Variants in LHFPL3 observed in about 807,000 individuals in gnomAD.
LHFPL3 encodes the protein LHFPL tetraspan subfamily member 3 protein.
Under a neutral mutation model 19.3 loss-of-function variants are expected in LHFPL3, and 5 were observed. That is an observed-to-expected ratio of 0.26 (90% CI 0.14 to 0.54). The LOEUF is 0.54. LHFPL3 is among the 20% of genes least tolerant of loss of function. LHFPL3 has a pLI of 0.94. For missense variants in LHFPL3, 249 were observed against 307.4 expected, an observed-to-expected ratio of 0.81 and a Z score of 1.42; for synonymous variants, 133 against 126.2, an observed-to-expected ratio of 1.05 and a Z score of -0.36.
intron 1 of LHFPL3, among the ~76,000 whole-genome samples, chr7:104,674,599 C>A (rs1792556635): frequency 1.3e-5 from 2 of 152,062 alleles, no homozygotes; most frequent in South Asian, 2.1e-4. Context: ...GATCTCCTGA[C>A]CTCGTGATCC....
chr7:104,700,901 T>C (rs1326677429), intron 1 of LHFPL3, among the ~76,000 whole-genome samples: 2 of 152,220 alleles, frequency 1.3e-5, no homozygotes, highest in Admixed American at 6.5e-5. Context: ...TGTACCAATT[T>C]ATCTCCAGGC....
At chr7:104,529,912 G>A (rs1051800764) in intron 1 of LHFPL3, among the ~76,000 whole-genome samples, 3 of 152,158 alleles carry the variant, frequency 2.0e-5, no homozygotes, top group Non-Finnish European at 2.9e-5. Flanking sequence ...GTCAGGTTCT[G>A]AAGGCAGTGT....
intron 2 of LHFPL3, among the ~76,000 whole-genome samples, chr7:104,797,777 A>C (rs899521312): frequency 6.6e-6 from 1 of 151,456 alleles, no homozygotes; most frequent in Non-Finnish European, 1.5e-5. Context: ...TTAGCTGGGC[A>C]TAGTGGCATG....
At chr7:104,520,250 T>G (rs1167120312) in intron 1 of LHFPL3, among the ~76,000 whole-genome samples, 1 of 151,954 alleles carries the variant, frequency 6.6e-6, no homozygotes, top group Admixed American at 6.6e-5. Flanking sequence ...GGATTACATT[T>G]ATTGATTTGC....
intron 1 of LHFPL3, among the ~76,000 whole-genome samples, chr7:104,330,757 C>G (rs1269253001): frequency 6.6e-6 from 1 of 152,020 alleles, no homozygotes; most frequent in African/African-American, 2.4e-5. Flanking sequence ...ATTCCTCACT[C>G]TATGTTTTTA....
chr7:104,629,090 G>T (rs550567438), intron 1 of LHFPL3, among the ~76,000 whole-genome samples: 1 of 152,104 alleles, frequency 6.6e-6, no homozygotes, highest in Non-Finnish European at 1.5e-5. Flanking sequence ...ACTACAATAT[G>T]ACTATTTAAG....
At chr7:104,330,016 C>T (rs527794054) in intron 1 of LHFPL3, among the ~76,000 whole-genome samples, 6 of 151,772 alleles carry the variant, frequency 4.0e-5, no homozygotes, top group Non-Finnish European at 8.8e-5. Flanking sequence ...TTAGCATCTC[C>T]GATCACTCTT....
At chr7:104,804,167 C>T (rs528002435) in intron 2 of LHFPL3, 4 of 152,298 alleles carry the variant, frequency 2.6e-5, no homozygotes, top group Admixed American at 1.3e-4. Context: ...CCTTGCTCTT[C>T]ATTGGCTCTT....
chr7:104,865,794 T>C (rs1349590810), intron 2 of LHFPL3, among the ~76,000 whole-genome samples: 1 of 151,790 alleles, frequency 6.6e-6, no homozygotes, highest in Non-Finnish European at 1.5e-5. Context: ...AAAATTGAAA[T>C]GAAGGAAAAA....
At chr7:104,648,854 G>A (rs1234815158) in intron 1 of LHFPL3, among the ~76,000 whole-genome samples, 1 of 152,206 alleles carries the variant, frequency 6.6e-6, no homozygotes, top group Non-Finnish European at 1.5e-5. Flanking sequence ...TCATCGCCAT[G>A]CAGTGCTGTT....
At chr7:104,587,089 A>G (rs1790594676) in intron 1 of LHFPL3, among the ~76,000 whole-genome samples, 1 of 152,146 alleles carries the variant, frequency 6.6e-6, no homozygotes. Context: ...TCATTCATTT[A>G]GCCTGTTTTT....
chr7:104,383,265 G>T (rs1160570878), intron 1 of LHFPL3, among the ~76,000 whole-genome samples: 1 of 152,138 alleles, frequency 6.6e-6, no homozygotes, highest in Non-Finnish European at 1.5e-5. Context: ...CTCTGATGTG[G>T]AGGTTTCAGA....
chr7:104,470,714 C>T (rs1792890419), intron 1 of LHFPL3, among the ~76,000 whole-genome samples: 1 of 152,178 alleles, frequency 6.6e-6, no homozygotes, highest in South Asian at 2.1e-4. Flanking sequence ...AATCTGAACC[C>T]AGGAAGACTG....
intron 1 of LHFPL3, among the ~76,000 whole-genome samples, chr7:104,603,648 T>C (rs1465529909): frequency 6.6e-6 from 1 of 152,180 alleles, no homozygotes; most frequent in Non-Finnish European, 1.5e-5. Context: ...AACAAGTTAT[T>C]TACTTCCAAA....
chr7:104,332,482 T>C (rs1050336122), intron 1 of LHFPL3, among the ~76,000 whole-genome samples: 7 of 152,052 alleles, frequency 4.6e-5, no homozygotes, highest in Admixed American at 3.3e-4. Flanking sequence ...CCGACTGCCA[T>C]GGCCTCCCAA....
In LHFPL3 at chr7:104,479,087, A is replaced by T. The variant is rs190661249; in HGVS notation, c.445+149863A>T. On this transcript the variant is annotated intron_variant, in intron 1 of 2. Transcript: ENST00000424859. The stretch of plus-strand genomic sequence containing the variant: ...GTTGACTGAGGCTGGGGTGGCTGTT[A>T]TCTCTAGCTCATGTGGTGGGAAAGG... Among the ~76,000 whole-genome samples, 286 of 152,242 alleles carry T rather than the reference A, an allele frequency of 1.9e-3. 1 individual carries two copies. The highest frequency in any genetic ancestry group is 0.016 in the South Asian group (79 of 4,818).
intron 1 of LHFPL3, among the ~76,000 whole-genome samples, chr7:104,659,701 C>T (rs1314758468): frequency 6.6e-6 from 1 of 152,110 alleles, no homozygotes; most frequent in East Asian, 1.9e-4. Flanking sequence ...TGATAGAAGG[C>T]CTTCACATTT....
chr7:104,333,576 C>G (rs1392875232), intron 1 of LHFPL3, among the ~76,000 whole-genome samples: 5 of 152,176 alleles, frequency 3.3e-5, no homozygotes, highest in Non-Finnish European at 7.3e-5. Flanking sequence ...TACCCCCTAG[C>G]CTCCTAGATT....
At chr7:104,749,855 TCTACAGTGGCCGC>T (rs1794128461) in intron 2 of LHFPL3, among the ~76,000 whole-genome samples, 1 of 152,280 alleles carries the variant, frequency 6.6e-6, no homozygotes, top group Non-Finnish European at 1.5e-5. Context: ...TTTAGGAGGC[TCTACAGTGGCCGC>T]CCCTAAAAAG....
Sources: allele counts gnomAD v4.1 joint callset (sites outside exome capture counted in the v4.1 genomes callset), GRCh38; gene constraint gnomAD v4.1.1; transcripts MANE v1.5; gene names NCBI Gene and HGNC (gene_info 2026-07-23, HGNC 2026-07-21).